Variants in LYST observed in about 807,000 individuals in gnomAD.
LYST encodes the protein lysosomal-trafficking regulator.
In LYST, 192 loss-of-function variants were observed where a neutral mutation model predicts 413.6. The observed-to-expected ratio is 0.46, with a 90% CI of 0.41 to 0.52. LYST has a LOEUF of 0.52. Ranked by LOEUF, LYST falls within the 20% of genes least tolerant of loss-of-function variation. The pLI, the probability that LYST is intolerant of heterozygous loss-of-function variation, is 0.00. For synonymous variants in LYST, 1,525 were observed against 1,567.3 expected (o/e 0.97, Z 0.64); for missense variants, 3,815 against 4,499.9 (o/e 0.85, Z 4.35).
rs573113593 is a variant in LYST, at chr1:235,830,514, C to G, written c.-7-90G>C. ...ATGTGTTTTTGTTGTTTGTTTCTAA[C>G]TGAAGATTGGCTTAAAATTACTGGA... On this transcript the variant is annotated intron_variant, in intron 2 of 52. Transcript: ENST00000389793. The G allele has an allele frequency of 1.3e-4, 135 of 1,051,508 alleles. 3 individuals are homozygous for G. In the South Asian group the frequency reaches 1.6e-3, roughly 13 times the overall value. The allele number at this position is 1,051,508 out of a possible 1,614,324, so 65.1% of individuals were successfully genotyped here.
intron 48 of LYST, among the ~76,000 whole-genome samples, chr1:235,680,525 C>G (rs1659726173): frequency 6.6e-6 from 1 of 152,074 alleles, no homozygotes; most frequent in South Asian, 2.1e-4. Flanking sequence ...GAAGGCCTCC[C>G]AAAGTGCTGG....
At chr1:235,720,637 A>C in intron 40 of LYST, 24 bp downstream of exon 40, 1 of 1,611,352 alleles carries the variant, frequency 6.2e-7, no homozygotes, top group Non-Finnish European at 8.5e-7. Context: ...ATGAACCCTA[A>C]AGGTGATGAT....
chr1:235,820,151 T>A (rs1674594000), intron 3 of LYST, among the ~76,000 whole-genome samples: 1 of 152,224 alleles, frequency 6.6e-6, no homozygotes, highest in African/African-American at 2.4e-5. Context: ...ACTAATTGCC[T>A]AACCTAGCCA....
At chr1:235,790,237 T>A (rs1670847668) in intron 12 of LYST, among the ~76,000 whole-genome samples, 1 of 152,236 alleles carries the variant, frequency 6.6e-6, no homozygotes, top group African/African-American at 2.4e-5. Context: ...GAGAAAGCAA[T>A]CTGCATAGCT....
chr1:235,845,259 T>C (rs1677685762), intron 1 of LYST, among the ~76,000 whole-genome samples: 1 of 152,136 alleles, frequency 6.6e-6, no homozygotes, highest in Non-Finnish European at 1.5e-5. Flanking sequence ...GTTTCTGACC[T>C]TACCTGAGCT....
At chr1:235,697,919 G>A (rs752056490) in intron 45 of LYST, among the ~76,000 whole-genome samples, 14 of 152,290 alleles carry the variant, frequency 9.2e-5, no homozygotes, top group Non-Finnish European at 1.9e-4. Context: ...TAGGATTTGG[G>A]GGAAGAAAGG....
Position 235,746,382 on chromosome 1 carries a change from T to C in LYST, c.7926A>G (p.Arg2642=). 2 of 1,613,976 alleles carry C rather than the reference T, an allele frequency of 1.2e-6. No individual in the cohort carries two copies. The highest frequency in any genetic ancestry group is 1.7e-6 in the Non-Finnish European group (2 of 1,179,910). Residue 2642 remains arginine, a synonymous_variant, in exon 29 of 53, where the codon AGA becomes AGG. Coordinates refer to ENST00000389793, the MANE Select transcript of LYST (RefSeq NM_000081.4). ...CTGCTAAAACAGTGAGCCTCTGTAG[T>C]CTCTGCGCAAGTTCCGTTTCAGTTG... ...SQATETELAQ[R]LQRLTVLAVN...
intron 31 of LYST, chr1:235,738,973 AAG>A (rs1220803136): frequency 5.5e-6 from 4 of 721,430 alleles, no homozygotes; most frequent in Admixed American, 1.8e-5. Context: ...GGGATACAAA[AAG>A]AGCTGCAATT....
At chr1:235,785,844 T>C (rs938952382) in intron 14 of LYST, among the ~76,000 whole-genome samples, 2 of 152,214 alleles carry the variant, frequency 1.3e-5, no homozygotes, top group Admixed American at 6.5e-5. Flanking sequence ...AGATACCTTA[T>C]AGTTCCTACA....
chr1:235,843,204 T>C (rs1677417038), intron 1 of LYST, among the ~76,000 whole-genome samples: 1 of 152,206 alleles, frequency 6.6e-6, no homozygotes, highest in Non-Finnish European at 1.5e-5. Context: ...AAGGGGTCCA[T>C]TGTGCTACAG....
chr1:235,671,146 C>T (rs1241178814), intron 50 of LYST, among the ~76,000 whole-genome samples: 1 of 152,162 alleles, frequency 6.6e-6, no homozygotes, highest in East Asian at 1.9e-4. Flanking sequence ...TCATGTTGGC[C>T]AAGCTGGTCT....
intron 17 of LYST, 47 bp from the exon 18 acceptor site, chr1:235,775,133 A>T (rs763346136): frequency 3.5e-6 from 5 of 1,427,448 alleles, no homozygotes; most frequent in Non-Finnish European, 4.9e-6. Context: ...ATTTGCTGAG[A>T]GTAAAAATTT....
intron 1 of LYST, among the ~76,000 whole-genome samples, chr1:235,851,715 C>T (rs1196277514): frequency 2.0e-5 from 3 of 151,754 alleles, no homozygotes; most frequent in Non-Finnish European, 4.4e-5. Flanking sequence ...AATACACTCT[C>T]GAGAATACTG....
rs183845857 is a variant in LYST, at chr1:235,682,166, T to C, written c.10801-4547A>G. On this transcript the variant is annotated intron_variant, in intron 48 of 52. Coordinates refer to ENST00000389793, the MANE Select transcript of LYST (RefSeq NM_000081.4). ...CTCTAGAAAAAAATTTAAAAAGTAG[T>C]AGGGCATTGTGGTGTGTGCCTGTAG... 1.6e-4 allele frequency among the ~76,000 whole-genome samples: 25 copies of C among 152,168 alleles called. No homozygotes were observed. In the East Asian group the frequency reaches 4.8e-3, roughly 29 times the overall value.
At position 235,808,949 on chromosome 1, in the gene LYST, T is replaced by C; in HGVS notation, c.1869A>G (p.Leu623=). 6.2e-7 allele frequency: 1 copy of C among 1,613,954 alleles called. No homozygotes were observed. The highest frequency in any genetic ancestry group is 8.5e-7 in the Non-Finnish European group (1 of 1,179,874). The part of the protein sequence containing the change: ...NILNKLILDQ[L]GGAEISPKIK... ...TTTTTGGTGATATCTCTGCTCCTCC[T>C]AACTGATCCAAAATAAGTTTGTTAA... The change falls in exon 5 of 53, where the codon TTA becomes TTG. Residue 623 remains leucine, a synonymous_variant. Coordinates refer to ENST00000389793, the MANE Select transcript of LYST (RefSeq NM_000081.4).
At chr1:235,696,035 T>C (rs1157071907) in intron 46 of LYST, among the ~76,000 whole-genome samples, 2 of 152,196 alleles carry the variant, frequency 1.3e-5, no homozygotes, top group Non-Finnish European at 2.9e-5. Flanking sequence ...AATTGTAACA[T>C]ACTAGTAAGA....
chr1:235,856,462 T>C (rs1679203906), intron 1 of LYST, among the ~76,000 whole-genome samples: 1 of 152,186 alleles, frequency 6.6e-6, no homozygotes, highest in Admixed American at 6.5e-5. Flanking sequence ...AAACAAAAAC[T>C]AGATGATCTC....
In LYST at chr1:235,809,892, C is replaced by G. The variant is rs375332299; in HGVS notation, c.926G>C (p.Arg309Pro). ...TTCGGTCCAACCTGCAGAAACTACTCGACTCTCCAAGTTGTCGCTCAGACT... is the reference window on the plus strand; with the variant it reads ...TTCGGTCCAACCTGCAGAAACTACTGGACTCTCCAAGTTGTCGCTCAGACT... ...CCSLSDNLES[R>P]VVSAGWTEEP... The change falls in exon 5 of 53, where the codon CGA (arginine) becomes CCA (proline). Residue 309 changes from arginine to proline, a missense_variant. Transcript: ENST00000389793. This position sits in a 1 kb window ranked among gnomAD's most constrained non-coding sequence, Gnocchi z 4.0. The G allele has an allele frequency of 6.2e-7, 1 of 1,613,846 alleles. No homozygotes were observed. Among genetic ancestry groups the G allele is most frequent in the Non-Finnish European group, 8.5e-7 (1 of 1,179,968 alleles).
chr1:235,743,204 A>T (rs1340347808), intron 30 of LYST, among the ~76,000 whole-genome samples: 1 of 152,204 alleles, frequency 6.6e-6, no homozygotes, highest in Non-Finnish European at 1.5e-5. Flanking sequence ...AAGCCTAGCC[A>T]AATGCTGATC....
Sources: allele counts gnomAD v4.1 joint callset (sites outside exome capture counted in the v4.1 genomes callset), GRCh38; gene constraint gnomAD v4.1.1; non-coding constraint Gnocchi (gnomAD v3.1); transcripts MANE v1.5; gene names NCBI Gene and HGNC (gene_info 2026-07-23, HGNC 2026-07-21).